The following TBC1D13 variants were observed in gnomAD, a reference collection of about 807,000 sequenced individuals.
TBC1D13 encodes epididymis secretory sperm binding protein.
TBC1D13 carries 40 observed loss-of-function variants against 53.6 expected under a neutral mutation model. That is an observed-to-expected ratio of 0.75 (90% CI 0.58 to 0.97). The LOEUF (loss-of-function observed/expected upper bound fraction) is 0.97, where lower values mean the gene tolerates loss of function less well. TBC1D13 is among the 50% of genes least tolerant of loss of function. TBC1D13 has a pLI of 0.00. For synonymous variants in TBC1D13, 182 were observed against 197.7 expected, an observed-to-expected ratio of 0.92 and a Z score of 0.67; for missense variants, 377 against 499.4, an observed-to-expected ratio of 0.75 and a Z score of 2.34.
chr9:128,796,317 T>C (rs1829630253), intron 6 of TBC1D13, among the ~76,000 whole-genome samples: 1 of 152,032 alleles, frequency 6.6e-6, no homozygotes, highest in South Asian at 2.1e-4. Context: ...TGGCACGATC[T>C]CGGCTCACTG....
At chr9:128,795,770 T>A (rs1220267488) in intron 6 of TBC1D13, among the ~76,000 whole-genome samples, 1 of 152,066 alleles carries the variant, frequency 6.6e-6, no homozygotes, top group Non-Finnish European at 1.5e-5. Context: ...CCAACTAATT[T>A]TTTTTACAGA....
intron 8 of TBC1D13, 23 bp downstream of exon 8, chr9:128,803,483 C>T (rs142793748): frequency 5.0e-6 from 8 of 1,609,862 alleles, no homozygotes; most frequent in East Asian, 2.2e-5. Context: ...TTGGTGCCCA[C>T]ATCCCTCGTT....
intron 6 of TBC1D13, among the ~76,000 whole-genome samples, chr9:128,792,928 A>C (rs1829560959): frequency 6.6e-6 from 1 of 152,218 alleles, no homozygotes; most frequent in Non-Finnish European, 1.5e-5. Flanking sequence ...CTCCTTAAGG[A>C]TCTTAGAACC....
Position 128,792,592 on chromosome 9 carries a change from G to T in TBC1D13, c.383+18G>T. 6.2e-7 allele frequency: 1 copy of T among 1,612,420 alleles called. No homozygotes were observed. Among genetic ancestry groups the T allele is most frequent in the South Asian group, 1.1e-5 (1 of 90,904 alleles). On this transcript the variant is annotated intron_variant, in intron 6 of 11. Coordinates refer to ENST00000372648, the MANE Select transcript of TBC1D13 (RefSeq NM_018201.5). ...GATGTCCGGTAGGCAGGGTGCCTGG[G>T]GCCGGGAGCTGGCCCATGGGACTTC...
intron 5 of TBC1D13, 97 bp downstream of exon 5, chr9:128,791,790 C>A: frequency 9.6e-7 from 1 of 1,045,672 alleles, no homozygotes; most frequent in Non-Finnish European, 1.5e-6. Context: ...GGGGTAGGTG[C>A]AGTCTGGTGT....
At chr9:128,805,772 G>A (rs1829819551) in intron 9 of TBC1D13, 87 bp from the exon 10 acceptor site, 2 of 1,441,200 alleles carry the variant, frequency 1.4e-6, no homozygotes, top group Admixed American at 3.9e-5. Flanking sequence ...CTGCTGTTCT[G>A]AATTCACTTC....
intron 6 of TBC1D13, among the ~76,000 whole-genome samples, chr9:128,794,899 C>A (rs1829600354): frequency 1.3e-5 from 2 of 151,672 alleles, no homozygotes; most frequent in Non-Finnish European, 2.9e-5. Context: ...AACTTGATCA[C>A]ATTCTAGACA....
chr9:128,791,765 GC>G (rs887315566), intron 5 of TBC1D13, 72 bp downstream of exon 5: 2 of 1,319,758 alleles, frequency 1.5e-6, no homozygotes, highest in African/African-American at 1.4e-5. Flanking sequence ...GCAGGCAAGG[GC>G]CCCTGCATGC....
intron 6 of TBC1D13, among the ~76,000 whole-genome samples, chr9:128,794,424 G>A (rs970279300): frequency 2.6e-5 from 4 of 152,174 alleles, no homozygotes; most frequent in Admixed American, 1.3e-4. Context: ...GAACCACTCC[G>A]TGACCTGGGG....
chr9:128,806,228 A>C (rs1829830261), intron 10 of TBC1D13, 26 bp from the exon 11 acceptor site: 2 of 1,614,004 alleles, frequency 1.2e-6, no homozygotes, highest in Non-Finnish European at 1.7e-6. Flanking sequence ...CCCAGGTCCC[A>C]GCGCTTTTGC....
At chr9:128,799,725 T>C (rs1203604178) in intron 7 of TBC1D13, among the ~76,000 whole-genome samples, 1 of 152,220 alleles carries the variant, frequency 6.6e-6, no homozygotes, top group African/African-American at 2.4e-5. Flanking sequence ...GTCTGCCGCA[T>C]AAAAAGCTCT....
At chr9:128,805,205 G>A (rs1829810105) in intron 9 of TBC1D13, among the ~76,000 whole-genome samples, 1 of 152,110 alleles carries the variant, frequency 6.6e-6, no homozygotes. Flanking sequence ...AGGCATGGTG[G>A]CACAGGCCTG....
chr9:128,806,437 A>T, intron 11 of TBC1D13, 126 bp downstream of exon 11: 1 of 1,071,906 alleles, frequency 9.3e-7, no homozygotes, highest in Non-Finnish European at 1.4e-6. Context: ...TAAAGTCCAG[A>T]CCCCTGAGCA....
At chr9:128,797,270 T>G (rs1829649109) in intron 7 of TBC1D13, 56 bp downstream of exon 7, 49 of 1,585,116 alleles carry the variant, frequency 3.1e-5, no homozygotes, top group Non-Finnish European at 3.9e-5. Flanking sequence ...TCTTTCCTTT[T>G]TCTCTTAAAC....
chr9:128,797,351 A>G lies in TBC1D13; in HGVS notation c.543+137A>G, dbSNP rs1014700121. 5 of 926,116 alleles carry G rather than the reference A, an allele frequency of 5.4e-6. No individual in the cohort carries two copies. In the Admixed American group the frequency reaches 1.4e-4, roughly 26 times the overall value. The allele number at this position is 926,116 out of a possible 1,614,324, so 57.4% of individuals were successfully genotyped here. On this transcript the variant is annotated intron_variant, in intron 7 of 11. Coordinates refer to ENST00000372648, the MANE Select transcript of TBC1D13 (RefSeq NM_018201.5). ...CTCAGCGCAATCCTGATGCTGCCAG[A>G]TCCTGGGGTGCTTTCTAAAAGTTGG...
rs555853805 is a variant in TBC1D13 at position 128,804,606 on chromosome 9, C to T, written c.918+487C>T. ...TATTTTTAGTAGAGATGGAGTTTCA[C>T]TGTGTTAGCCAGGATGGTCTTGATG... On this transcript the variant is annotated intron_variant, in intron 9 of 11. Coordinates refer to ENST00000372648, the MANE Select transcript of TBC1D13 (RefSeq NM_018201.5). Among the ~76,000 whole-genome samples the T allele has an allele frequency of 1.5e-3, 220 of 151,504 alleles. 1 individual carries two copies. Among genetic ancestry groups the T allele is most frequent in the African/African-American group, 5.2e-3 (214 of 41,336 alleles).
chr9:128,788,466 A>G (rs995993253), intron 2 of TBC1D13, 59 bp downstream of exon 2: 7 of 1,518,950 alleles, frequency 4.6e-6, no homozygotes, highest in Admixed American at 1.7e-5. Flanking sequence ...GCTAGAATAC[A>G]GGGGGAGGCC....
intron 9 of TBC1D13, among the ~76,000 whole-genome samples, chr9:128,804,836 C>G (rs553909996): frequency 7.0e-6 from 1 of 142,788 alleles, no homozygotes; most frequent in Admixed American, 7.6e-5. Flanking sequence ...TCAAGCAATT[C>G]TCATGCCTCA....
chr9:128,790,786 C>T lies in TBC1D13; in HGVS notation c.138+11C>T. 1 of 1,558,884 alleles carries T rather than the reference C, an allele frequency of 6.4e-7. No individual in the cohort carries two copies. Among genetic ancestry groups the T allele is most frequent in the African/African-American group, 1.4e-5 (1 of 70,434 alleles). ...TGCCTCTGCTGGAAGGTGGGTGTGC[C>T]TGGGGTGGGGCTTCTGCTCTGCTGA... is the stretch of plus-strand genomic sequence containing the variant. On this transcript the variant is annotated intron_variant, in intron 3 of 11. Transcript: ENST00000372648.
Sources: allele counts gnomAD v4.1 joint callset (sites outside exome capture counted in the v4.1 genomes callset), GRCh38; gene constraint gnomAD v4.1.1; transcripts MANE v1.5; gene names NCBI Gene and HGNC (gene_info 2026-07-23, HGNC 2026-07-21).